The following FAM240C variants were observed in gnomAD, a reference collection of about 807,000 sequenced individuals.
FAM240C encodes the protein family with sequence similarity 240 member C, also known as protein FAM240C.
FAM240C carries 14 observed loss-of-function variants against 10.0 expected under a neutral mutation model. The observed-to-expected ratio is 1.40, with a 90% CI of 0.92 to 2.19. FAM240C has a LOEUF of 2.19. Among genes scored for constraint, FAM240C ranks in the 30% most tolerant of loss-of-function variants. FAM240C has a pLI of 0.00. For synonymous variants in FAM240C, 49 were observed against 44.3 expected (o/e 1.11, Z -0.42); for missense variants, 154 against 122.3 (o/e 1.26, Z -1.22).
At position 241,894,306 on chromosome 2, in the gene FAM240C, C is replaced by G; in HGVS notation, c.195G>C (p.Gly65=). 6.5e-7 allele frequency: 1 copy of G among 1,549,116 alleles called. No homozygotes were observed. Among genetic ancestry groups the G allele is most frequent in the Non-Finnish European group, 8.7e-7 (1 of 1,146,498 alleles). Residue 65 remains glycine, a synonymous_variant, in exon 3 of 3, where the codon GGG becomes GGC. Transcript: ENST00000404031. Reference sequence around the variant, plus strand: ...CTGGGCCCTGCAGCATCTTGTTCCTCCCCTCCAGCTGCTCAGCCCATCCCA... The same window carrying G: ...CTGGGCCCTGCAGCATCTTGTTCCTGCCCTCCAGCTGCTCAGCCCATCCCA... ...LRVGWAEQLE[G]RNKMLQGPGR...
upstream of FAM240C, chr2:241,900,494 G>A (rs978705328): frequency 1.6e-4 from 109 of 674,016 alleles, no homozygotes; most frequent in South Asian, 1.6e-3. The surrounding 1 kb of genome is among the most constrained non-coding windows in gnomAD (Gnocchi z 4.5). Context: ...CATGCTTGGC[G>A]TCGGTTCAGT....
intron 1 of FAM240C, among the ~76,000 whole-genome samples, chr2:241,898,651 C>G (rs1701909176): frequency 6.6e-6 from 1 of 152,230 alleles, no homozygotes; most frequent in African/African-American, 2.4e-5. Context: ...TTTCACCCAG[C>G]AGTGGGAGCC....
chr2:241,896,492 GT>G (rs1701808371), intron 2 of FAM240C, among the ~76,000 whole-genome samples: 4 of 101,034 alleles, frequency 4.0e-5, no homozygotes, highest in Non-Finnish European at 7.2e-5. Flanking sequence ...GGGGAAGGGG[GT>G]GTGGGTGAAG....
At chr2:241,902,071 T>C (rs1387705487), upstream of FAM240C, among the ~76,000 whole-genome samples, 2 of 152,234 alleles carry the variant, frequency 1.3e-5, no homozygotes, top group Admixed American at 6.5e-5. The surrounding 1 kb of genome is among the most constrained non-coding windows in gnomAD (Gnocchi z 7.1). Flanking sequence ...AAGTGTGCAC[T>C]ATCTGCAGTC....
intron 1 of FAM240C, among the ~76,000 whole-genome samples, chr2:241,898,540 C>T (rs949123556): frequency 8.8e-5 from 13 of 147,224 alleles, no homozygotes; most frequent in African/African-American, 3.0e-4. Flanking sequence ...TGACAGACTC[C>T]GTCTCAAACA....
chr2:241,898,990 A>G (rs1701916352), intron 1 of FAM240C: 4 of 677,786 alleles, frequency 5.9e-6, no homozygotes, highest in Non-Finnish European at 9.5e-6. Context: ...CCTTGGAGGC[A>G]TTTCTCTTTC....
At position 241,896,699 on chromosome 2, in the gene FAM240C, T is replaced by G. The variant is rs572193024; in HGVS notation, c.161+487A>C. Among the ~76,000 whole-genome samples, 28 of 7,936 alleles carry G rather than the reference T, an allele frequency of 3.5e-3. 2 individuals carry two copies. The highest frequency in any genetic ancestry group is 0.017 in the South Asian group (1 of 60). The allele number at this position is 7,936 out of a possible 152,430, so 5.2% of individuals were successfully genotyped here. ...GGTGTGGGTGAAGGGGTGTGGGTGT[T>G]GGGGTGTGGGTGTTGGGGGTGTGTG... On this transcript the variant is annotated intron_variant, in intron 2 of 2. Coordinates refer to ENST00000404031, the MANE Select transcript of FAM240C (RefSeq NM_001382368.1).
chr2:241,897,666 G>A, intron 1 of FAM240C, among the ~76,000 whole-genome samples: 1 of 152,222 alleles, frequency 6.6e-6, no homozygotes, highest in East Asian at 1.9e-4. Context: ...GTGTTAGTGT[G>A]GGTGATCTGC....
upstream of FAM240C, among the ~76,000 whole-genome samples, chr2:241,900,712 G>T (rs966176636): frequency 1.3e-5 from 2 of 148,422 alleles, no homozygotes; most frequent in African/African-American, 5.0e-5. The surrounding 1 kb of genome is among the most constrained non-coding windows in gnomAD (Gnocchi z 4.5). Context: ...GGGGAGGGGC[G>T]TCGGGGCACC....
intron 1 of FAM240C, 53 bp from the exon 2 acceptor site, chr2:241,897,387 A>T: frequency 2.6e-6 from 4 of 1,530,566 alleles, no homozygotes; most frequent in Non-Finnish European, 3.5e-6. Flanking sequence ...ATTCCCATTG[A>T]CGAGTTTGTG....
intron 2 of FAM240C, among the ~76,000 whole-genome samples, chr2:241,895,860 G>A (rs1301658626): frequency 6.6e-6 from 1 of 152,042 alleles, no homozygotes; most frequent in Non-Finnish European, 1.5e-5. Context: ...GGCACATGCA[G>A]GCACACGCAG....
chr2:241,897,401 C>T (rs1267545805), intron 1 of FAM240C, 67 bp from the exon 2 acceptor site: 1 of 1,511,154 alleles, frequency 6.6e-7, no homozygotes, highest in Non-Finnish European at 8.9e-7. Flanking sequence ...GTTTGTGCTC[C>T]AGCACCCGGA....
intron 2 of FAM240C, 60 bp from the exon 3 acceptor site, chr2:241,894,399 A>T (rs2124914540): frequency 6.7e-7 from 1 of 1,502,564 alleles, no homozygotes; most frequent in African/African-American, 1.4e-5. Context: ...AGTGACGGCC[A>T]AGCCCGTGTC....
At chr2:241,894,834 C>T (rs1305991847) in intron 2 of FAM240C, among the ~76,000 whole-genome samples, 1 of 152,154 alleles carries the variant, frequency 6.6e-6, no homozygotes, top group African/African-American at 2.4e-5. Flanking sequence ...TGCCCACTTC[C>T]TTCTCGCTTG....
At chr2:241,901,667 C>G (rs1575423104), upstream of FAM240C, among the ~76,000 whole-genome samples, 2 of 152,210 alleles carry the variant, frequency 1.3e-5, no homozygotes, top group African/African-American at 4.8e-5. This position sits in a 1 kb window ranked among gnomAD's most constrained non-coding sequence, Gnocchi z 4.9. Flanking sequence ...GGTGCTCAGG[C>G]AGCGCGGGTG....
upstream of FAM240C, among the ~76,000 whole-genome samples, chr2:241,902,285 G>C (rs1297721720): frequency 1.4e-5 from 2 of 147,654 alleles, no homozygotes; most frequent in Non-Finnish European, 3.0e-5. This position sits in a 1 kb window ranked among gnomAD's most constrained non-coding sequence, Gnocchi z 7.1. Context: ...CAGCTACCGG[G>C]CTCAGCCGCC....
At chr2:241,898,193 A>G (rs2124925158) in intron 1 of FAM240C, among the ~76,000 whole-genome samples, 1 of 152,320 alleles carries the variant, frequency 6.6e-6, no homozygotes, top group South Asian at 2.1e-4. Flanking sequence ...TTTACTTTCC[A>G]ATTATTTTGG....
chr2:241,896,967 C>G (rs988421188), intron 2 of FAM240C, among the ~76,000 whole-genome samples: 92 of 151,820 alleles, frequency 6.1e-4, no homozygotes, highest in African/African-American at 2.1e-3. Context: ...GGTGTCTTGT[C>G]ATTTCCCACC....
chr2:241,898,544 T>C, intron 1 of FAM240C, among the ~76,000 whole-genome samples: 1 of 151,458 alleles, frequency 6.6e-6, no homozygotes, highest in South Asian at 2.1e-4. Context: ...AGACTCCGTC[T>C]CAAACAAACA....
Sources: gnomAD v4.1 joint callset for allele counts (sites outside exome capture counted in the v4.1 genomes callset) on GRCh38, gnomAD v4.1.1 for gene constraint, Gnocchi (gnomAD v3.1) non-coding constraint, MANE v1.5 for transcripts, NCBI Gene and HGNC (gene_info 2026-07-23, HGNC 2026-07-21) for gene names.